FIG4: variants seen among roughly 807,000 people sequenced by gnomAD.
The protein encoded by FIG4 is FIG4 phosphoinositide 5-phosphatase.
A neutral mutation model predicts 118.6 loss-of-function variants in FIG4; 112 were observed. The ratio of observed to expected loss-of-function variants is 0.94; its 90% CI spans 0.81 to 1.11. The LOEUF (loss-of-function observed/expected upper bound fraction) is 1.11, where lower values mean the gene tolerates loss of function less well. Ranked by LOEUF, FIG4 falls within the 50% of genes least tolerant of loss-of-function variation. The probability of loss-of-function intolerance (pLI) is 0.00; values close to 1 mark genes in which losing one functional copy is unlikely to be tolerated. For missense variants in FIG4, 969 were observed against 1,111.7 expected, an observed-to-expected ratio of 0.87 and a Z score of 1.83; for synonymous variants, 369 against 381.2, an observed-to-expected ratio of 0.97 and a Z score of 0.37.
At chr6:109,756,101 T>G (rs1776887744) in intron 10 of FIG4, among the ~76,000 whole-genome samples, 1 of 152,210 alleles carries the variant, frequency 6.6e-6, no homozygotes, top group Non-Finnish European at 1.5e-5. Flanking sequence ...TGTTTAGTGC[T>G]TCCTTCAGGA....
rs568672944 is a variant in FIG4, at chr6:109,755,521, A to G, written c.1138-4729A>G. Among the ~76,000 whole-genome samples the G allele has an allele frequency of 5.3e-5, 8 of 152,278 alleles. No individual in the cohort carries two copies. The South Asian group carries it at 1.5e-3, about 28-fold the overall frequency. ...AACTTTCTGTGACGTTGATCTGTCT[A>G]ATGTTGACAGTGGGGTGTTGAAGTT... is the stretch of plus-strand genomic sequence containing the variant. On this transcript the variant is annotated intron_variant, in intron 10 of 22. Transcript: ENST00000230124.
chr6:109,770,537 G>A (rs559567442), intron 15 of FIG4, among the ~76,000 whole-genome samples: 2 of 152,190 alleles, frequency 1.3e-5, no homozygotes, highest in Admixed American at 1.3e-4. Flanking sequence ...CTGAGACTGA[G>A]TAATTTCATA....
chr6:109,706,085 A>G (rs1775058842), intron 1 of FIG4, among the ~76,000 whole-genome samples: 1 of 152,246 alleles, frequency 6.6e-6, no homozygotes, highest in South Asian at 2.1e-4. Flanking sequence ...ATATTGTGCT[A>G]CTAGACTAGG....
intron 22 of FIG4, among the ~76,000 whole-genome samples, chr6:109,804,258 G>C (rs1402642257): frequency 1.3e-5 from 2 of 152,038 alleles, no homozygotes; most frequent in African/African-American, 4.8e-5. Context: ...TTAATATTTT[G>C]TTAGTTTACC....
At chr6:109,727,386 T>C (rs1196025700) in intron 4 of FIG4, 121 bp downstream of exon 4, 2 of 771,984 alleles carry the variant, frequency 2.6e-6, no homozygotes, top group African/African-American at 3.5e-5. Context: ...CCTCCCAGGC[T>C]CAAGTACTTT....
chr6:109,753,077 A>G (rs1583684661), intron 10 of FIG4, among the ~76,000 whole-genome samples: 1 of 152,188 alleles, frequency 6.6e-6, no homozygotes, highest in East Asian at 1.9e-4. Flanking sequence ...TTTTCCCAGC[A>G]CCATTTATTA....
intron 22 of FIG4, among the ~76,000 whole-genome samples, chr6:109,817,642 T>A (rs2128401426): frequency 6.6e-6 from 1 of 151,352 alleles, no homozygotes; most frequent in Middle Eastern, 3.4e-3. Flanking sequence ...GGCTAAAACA[T>A]AAAAAGTGCC....
intron 11 of FIG4, among the ~76,000 whole-genome samples, chr6:109,761,041 T>C (rs1321762265): frequency 6.6e-6 from 1 of 152,226 alleles, no homozygotes; most frequent in Non-Finnish European, 1.5e-5. Context: ...TCATACAAGC[T>C]GTAGGTTTAC....
chr6:109,704,605 C>T (rs149385378), intron 1 of FIG4, among the ~76,000 whole-genome samples: 35 of 143,664 alleles, frequency 2.4e-4, no homozygotes, highest in African/African-American at 8.3e-4. Context: ...GAAGCCAGGA[C>T]GCAGAGGTTC....
chr6:109,811,325 G>A (rs1293677928), intron 22 of FIG4, among the ~76,000 whole-genome samples: 1 of 152,144 alleles, frequency 6.6e-6, no homozygotes, highest in Non-Finnish European at 1.5e-5. Flanking sequence ...ATGATTGAAA[G>A]TCCTGGGTAT....
intron 15 of FIG4, among the ~76,000 whole-genome samples, chr6:109,775,306 A>C (rs1260920448): frequency 6.6e-6 from 1 of 152,224 alleles, no homozygotes; most frequent in African/African-American, 2.4e-5. Flanking sequence ...AGTGACCGTA[A>C]ACATCATACA....
chr6:109,719,457 C>T (rs777362317), intron 3 of FIG4, among the ~76,000 whole-genome samples: 2 of 151,626 alleles, frequency 1.3e-5, no homozygotes, highest in East Asian at 1.9e-4. Flanking sequence ...AGTCATAGCT[C>T]GCTGCAACCT....
intron 15 of FIG4, among the ~76,000 whole-genome samples, chr6:109,771,461 CTTTTTT>C (rs71018367): frequency 7.0e-5 from 6 of 85,998 alleles, no homozygotes; most frequent in South Asian, 5.1e-4. Context: ...TCCTCTAATT[CTTTTTT>C]TTTTTTTTTT....
At chr6:109,724,760 A>T (rs1775740529) in intron 3 of FIG4, among the ~76,000 whole-genome samples, 1 of 151,740 alleles carries the variant, frequency 6.6e-6, no homozygotes, top group African/African-American at 2.4e-5. Flanking sequence ...GTTTTTAAAC[A>T]TTATTTCCTT....
intron 22 of FIG4, among the ~76,000 whole-genome samples, chr6:109,799,817 G>T (rs1778382394): frequency 6.6e-6 from 1 of 152,140 alleles, no homozygotes; most frequent in South Asian, 2.1e-4. Flanking sequence ...CTTAGAAGTG[G>T]ATGTTAAACC....
At chr6:109,752,111 A>G (rs1287748030) in intron 10 of FIG4, among the ~76,000 whole-genome samples, 2 of 150,740 alleles carry the variant, frequency 1.3e-5, no homozygotes, top group African/African-American at 2.4e-5. Context: ...TTCTTGCGAT[A>G]GTTTACTGAG....
In FIG4 at chr6:109,791,349, T is replaced by C. The variant is rs1305036824; in HGVS notation, c.2181-27T>C. 14 of 1,595,468 alleles carry C rather than the reference T, an allele frequency of 8.8e-6. No individual in the cohort carries two copies. The Admixed American group carries it at 2.3e-4, about 27-fold the overall frequency. ...GTGTTGAGGGTTAGTTTAAAGATGCTTCACTTCCATATTATTCTTTTAAAA... is the reference window on the plus strand; with the variant it reads ...GTGTTGAGGGTTAGTTTAAAGATGCCTCACTTCCATATTATTCTTTTAAAA... On this transcript the variant is annotated intron_variant, in intron 19 of 22. Coordinates refer to ENST00000230124, the MANE Select transcript of FIG4 (RefSeq NM_014845.6).
At chr6:109,746,773 G>T (rs1350984936) in intron 10 of FIG4, among the ~76,000 whole-genome samples, 4 of 152,080 alleles carry the variant, frequency 2.6e-5, no homozygotes, top group Admixed American at 6.6e-5. Flanking sequence ...AAAACAAATG[G>T]ATCGGTACAA....
chr6:109,810,109 A>G (rs1778680342), intron 22 of FIG4, among the ~76,000 whole-genome samples: 2 of 152,106 alleles, frequency 1.3e-5, no homozygotes. Flanking sequence ...TCTCATGTCA[A>G]ATGGCCAGGA....
Sources: gnomAD v4.1 joint callset for allele counts (sites outside exome capture counted in the v4.1 genomes callset) on GRCh38, gnomAD v4.1.1 for gene constraint, MANE v1.5 for transcripts, NCBI Gene and HGNC (gene_info 2026-07-23, HGNC 2026-07-21) for gene names.